Variants in SRPX observed in about 807,000 individuals in gnomAD.
The protein encoded by SRPX is sushi repeat containing protein X-linked.
In SRPX, 24 loss-of-function variants were observed where a neutral mutation model predicts 38.1. The ratio of observed to expected loss-of-function variants is 0.63; its 90% CI spans 0.46 to 0.89. The LOEUF (loss-of-function observed/expected upper bound fraction) is 0.89, where lower values mean the gene tolerates loss of function less well. SRPX is among the 40% of genes least tolerant of loss of function. SRPX has a pLI of 0.00. For synonymous variants in SRPX, 184 were observed against 153.8 expected (o/e 1.20, Z -1.45); for missense variants, 416 against 377.8 (o/e 1.10, Z -0.84).
At chrX:38,185,141 T>C (rs1938749938) in intron 1 of SRPX, among the ~76,000 whole-genome samples, 1 of 112,115 alleles carries the variant, frequency 8.9e-6, no homozygotes, top group South Asian at 3.7e-4. Context: ...ATTTACCTTG[T>C]ATACCCAGTA....
chrX:38,168,663 G>A (rs142415032), intron 4 of SRPX, among the ~76,000 whole-genome samples: 7,820 of 112,030 alleles, frequency 0.07, 658 homozygotes, highest in African/African-American at 0.24. Context: ...GGCATAGGAA[G>A]TGAGTGACTG....
At chrX:38,172,876 G>A (rs1938500328) in intron 3 of SRPX, among the ~76,000 whole-genome samples, 1 of 112,890 alleles carries the variant, frequency 8.9e-6, no homozygotes, top group Admixed American at 9.3e-5. Flanking sequence ...TGTGAAAAGA[G>A]AACGAGAGTG....
chrX:38,167,542 T>A (rs765157710), intron 4 of SRPX, among the ~76,000 whole-genome samples: 7 of 111,606 alleles, frequency 6.3e-5, no homozygotes, highest in South Asian at 7.6e-4. Flanking sequence ...AGGAACAAAG[T>A]TACTATAGAA....
chrX:38,186,694 C>T (rs967900035), intron 1 of SRPX, among the ~76,000 whole-genome samples: 1 of 111,377 alleles, frequency 9.0e-6, no homozygotes, highest in African/African-American at 3.3e-5. Context: ...AAATAACTCA[C>T]AGTTGCCCTC....
chrX:38,181,546 G>A (rs193039817), intron 1 of SRPX, among the ~76,000 whole-genome samples: 183 of 111,532 alleles, frequency 1.6e-3, no homozygotes, highest in African/African-American at 5.7e-3. Flanking sequence ...GGATAGTGAC[G>A]TTGGCAGTGG....
intron 5 of SRPX, among the ~76,000 whole-genome samples, chrX:38,161,812 T>C (rs1272891137): frequency 8.9e-6 from 1 of 111,988 alleles, no homozygotes; most frequent in Non-Finnish European, 1.9e-5. Flanking sequence ...TCTTTTTTCT[T>C]GGCTGCCTAA....
intron 8 of SRPX, among the ~76,000 whole-genome samples, chrX:38,155,759 C>A (rs1451271615): frequency 1.8e-5 from 2 of 111,977 alleles, no homozygotes; most frequent in Admixed American, 1.9e-4. Context: ...TGGAATATAG[C>A]CTGCAATGCC....
chrX:38,173,417 C>T (rs1329654277), intron 3 of SRPX, among the ~76,000 whole-genome samples: 2 of 111,557 alleles, frequency 1.8e-5, no homozygotes, highest in Non-Finnish European at 3.8e-5. Context: ...TCTTTCCTGC[C>T]TCCCTAAGCC....
chrX:38,149,982 G>A, intron 9 of SRPX, 88 bp from the exon 10 acceptor site: 1 of 830,019 alleles, frequency 1.2e-6, no homozygotes, highest in East Asian at 3.6e-5. Flanking sequence ...CTGTGACAGT[G>A]TGCAGAGAAA....
chrX:38,164,855 T>C lies in SRPX; in HGVS notation c.567A>G (p.Glu189=). 8.3e-7 allele frequency: 1 copy of C among 1,211,058 alleles called. No individual in the cohort carries two copies. Among genetic ancestry groups the C allele is most frequent in the Non-Finnish European group, 1.1e-6 (1 of 894,982 alleles). ...TCAGTTTGTTGGGTTCTGCAATGCG[T>C]TCCTTCACACTTGGGCACTTGATTC... is the stretch of plus-strand genomic sequence containing the variant. ...PPRIKCPSVK[E]RIAEPNKLTV... Residue 189 remains glutamate, a synonymous_variant, in exon 5 of 10, where the codon GAA becomes GAG. Coordinates refer to ENST00000378533, the MANE Select transcript of SRPX (RefSeq NM_006307.5).
intron 9 of SRPX, 141 bp downstream of exon 9, chrX:38,154,321 G>C (rs1247179744): frequency 7.3e-6 from 5 of 682,455 alleles, no homozygotes; most frequent in African/African-American, 2.2e-5. Context: ...TGATTAGTAT[G>C]GTTATAACAC....
chrX:38,199,706 G>A (rs1317936553), intron 1 of SRPX, among the ~76,000 whole-genome samples: 1 of 108,407 alleles, frequency 9.2e-6, no homozygotes, highest in Admixed American at 9.9e-5. Flanking sequence ...AGCGTGAGCA[G>A]GATACAGATG....
chrX:38,185,951 G>A (rs1391020168), intron 1 of SRPX, among the ~76,000 whole-genome samples: 1 of 108,377 alleles, frequency 9.2e-6, no homozygotes, highest in African/African-American at 3.4e-5. Flanking sequence ...ATCACTGGGT[G>A]CCAGAGGGTA....
intron 1 of SRPX, among the ~76,000 whole-genome samples, chrX:38,218,797 C>T (rs1939459619): frequency 8.9e-6 from 1 of 112,044 alleles, no homozygotes; most frequent in Non-Finnish European, 1.9e-5. Flanking sequence ...CCCAGCCTTC[C>T]AAAGCCTCTG....
chrX:38,176,766 C>T (rs970923218), intron 2 of SRPX, among the ~76,000 whole-genome samples: 1 of 111,537 alleles, frequency 9.0e-6, no homozygotes, highest in African/African-American at 3.3e-5. Flanking sequence ...GCACTACAGC[C>T]TGGGTGACAG....
At chrX:38,209,914 A>G (rs1367361680) in intron 1 of SRPX, among the ~76,000 whole-genome samples, 1 of 111,671 alleles carries the variant, frequency 9.0e-6, no homozygotes, top group East Asian at 2.8e-4. Flanking sequence ...TTTCTTCCCC[A>G]CTTCCACCTC....
At chrX:38,215,529 G>T (rs1939410721) in intron 1 of SRPX, among the ~76,000 whole-genome samples, 1 of 112,198 alleles carries the variant, frequency 8.9e-6, no homozygotes, top group Admixed American at 9.5e-5. Flanking sequence ...ACATCCAAGA[G>T]CCTTCGCAAT....
At position 38,218,228 on chromosome X, in the gene SRPX, T is replaced by G. The variant is rs757765782; in HGVS notation, c.97+2468A>C. ...AAGCCTTTCTTAGAGGCCATGGTAC[T>G]CATTCTCCATCTTCAGCCTTGTTTG... On this transcript the variant is annotated intron_variant, in intron 1 of 9. Coordinates refer to ENST00000378533, the MANE Select transcript of SRPX (RefSeq NM_006307.5). Among the ~76,000 whole-genome samples the G allele has an allele frequency of 6.8e-4, 76 of 112,564 alleles. 1 individual carries two copies. The highest frequency in any genetic ancestry group is 9.2e-4 in the Non-Finnish European group (49 of 53,342).
At chrX:38,192,800 G>A (rs1351783674) in intron 1 of SRPX, among the ~76,000 whole-genome samples, 1 of 111,669 alleles carries the variant, frequency 9.0e-6, no homozygotes, top group Non-Finnish European at 1.9e-5. Flanking sequence ...GGACTGGAGG[G>A]GCTGGTGAAG....
Sources: gnomAD v4.1 joint callset for allele counts (sites outside exome capture counted in the v4.1 genomes callset) on GRCh38, gnomAD v4.1.1 for gene constraint, MANE v1.5 for transcripts, NCBI Gene and HGNC (gene_info 2026-07-23, HGNC 2026-07-21) for gene names.